Variants in MMRN1 observed in about 807,000 individuals in gnomAD.
MMRN1 encodes the protein multimerin-1.
A neutral mutation model predicts 100.7 loss-of-function variants in MMRN1; 94 were observed. That is an observed-to-expected ratio of 0.93 (90% CI 0.79 to 1.11). The LOEUF is 1.11. Ranked by LOEUF, MMRN1 falls within the 50% of genes least tolerant of loss-of-function variation. The probability of loss-of-function intolerance (pLI) is 0.00; values close to 1 mark genes in which losing one functional copy is unlikely to be tolerated. For missense variants in MMRN1, 1,606 were observed against 1,439.1 expected, an observed-to-expected ratio of 1.12 and a Z score of -1.88; for synonymous variants, 575 against 505.0, an observed-to-expected ratio of 1.14 and a Z score of -1.86.
chr4:89,914,716 A>C (rs747385088), intron 3 of MMRN1, among the ~76,000 whole-genome samples: 15 of 151,512 alleles, frequency 9.9e-5, no homozygotes, highest in Non-Finnish European at 1.8e-4. Context: ...TATGGTATTC[A>C]AGATACTTTT....
At chr4:89,883,993 A>C (rs1213851350) in intron 1 of MMRN1, among the ~76,000 whole-genome samples, 3 of 152,036 alleles carry the variant, frequency 2.0e-5, no homozygotes, top group African/African-American at 7.2e-5. Flanking sequence ...TTAATAAGAT[A>C]TTTTACCATT....
At chr4:89,894,820 T>A (rs1721136122), upstream of MMRN1, 2 of 1,352,988 alleles carry the variant, frequency 1.5e-6, no homozygotes, top group African/African-American at 1.5e-5. Context: ...ACTTCCTGAG[T>A]ACGCTACAAA....
intron 3 of MMRN1, among the ~76,000 whole-genome samples, chr4:89,921,786 T>C (rs1307389609): frequency 6.6e-6 from 1 of 152,154 alleles, no homozygotes; most frequent in Non-Finnish European, 1.5e-5. Context: ...AGAAAAACAA[T>C]GCAAAATTCA....
intron 6 of MMRN1, among the ~76,000 whole-genome samples, chr4:89,939,572 G>A (rs775511940): frequency 5.3e-5 from 8 of 152,010 alleles, no homozygotes; most frequent in Non-Finnish European, 8.8e-5. Flanking sequence ...ACTGACCCTC[G>A]GAGACATTAA....
At chr4:89,930,450 T>C (rs1448095106) in intron 5 of MMRN1, among the ~76,000 whole-genome samples, 2 of 152,116 alleles carry the variant, frequency 1.3e-5, no homozygotes, top group East Asian at 3.8e-4. Context: ...ATTAGGACTT[T>C]TAGGCATGTA....
intron 1 of MMRN1, among the ~76,000 whole-genome samples, chr4:89,881,459 T>C (rs1720813290): frequency 6.6e-6 from 1 of 152,096 alleles, no homozygotes; most frequent in Admixed American, 6.6e-5. Flanking sequence ...AAATGATTTC[T>C]TCTAACTGTA....
At chr4:89,894,657 A>C (rs893600004), upstream of MMRN1, 1 of 213,840 alleles carries the variant, frequency 4.7e-6, no homozygotes. Flanking sequence ...AGGAAAAGAA[A>C]GTTACTTCAT....
intron 3 of MMRN1, among the ~76,000 whole-genome samples, chr4:89,916,143 A>G (rs1368231436): frequency 6.7e-6 from 1 of 149,882 alleles, no homozygotes; most frequent in Non-Finnish European, 1.5e-5. Context: ...GGATGAATGC[A>G]AGTACTGAAC....
chr4:89,952,961 A>T, intron 7 of MMRN1, 36 bp from the exon 8 acceptor site: 1 of 1,521,228 alleles, frequency 6.6e-7, no homozygotes, highest in Non-Finnish European at 8.8e-7. Flanking sequence ...AGATAAAAAC[A>T]TGAAAATTAA....
At chr4:89,921,464 T>A (rs1444135161) in intron 3 of MMRN1, among the ~76,000 whole-genome samples, 2 of 152,156 alleles carry the variant, frequency 1.3e-5, no homozygotes. Flanking sequence ...AGTACACCAT[T>A]TAAGGAGGAA....
rs1722626274 is a variant in MMRN1, at chr4:89,936,152, T to C, written c.2472T>C (p.Tyr824=). The C allele has an allele frequency of 1.2e-6, 2 of 1,612,220 alleles. No individual in the cohort carries two copies. The highest frequency in any genetic ancestry group is 2.2e-5 in the South Asian group (2 of 90,890). Residue 824 remains tyrosine (Y), a synonymous_variant, in exon 6 of 8, where the codon TAT becomes TAC. Coordinates refer to ENST00000264790, the MANE Select transcript of MMRN1 (RefSeq NM_007351.3). ...KLNQSNFQKM[Y]QMFNETTSQV... ...ATCAGTCCAACTTCCAAAAGATGTATCAAATGTTCAATGAAACCACTTCCC... is the reference window on the plus strand; with the variant it reads ...ATCAGTCCAACTTCCAAAAGATGTACCAAATGTTCAATGAAACCACTTCCC...
chr4:89,942,627 T>A (rs1469106152), intron 6 of MMRN1, among the ~76,000 whole-genome samples: 1 of 152,160 alleles, frequency 6.6e-6, no homozygotes, highest in Admixed American at 6.6e-5. Flanking sequence ...TAAACCTAAT[T>A]TGAACTTTTT....
At chr4:89,918,689 C>CT (rs1333763829) in intron 3 of MMRN1, among the ~76,000 whole-genome samples, 1 of 151,778 alleles carries the variant, frequency 6.6e-6, no homozygotes, top group Non-Finnish European at 1.5e-5. Flanking sequence ...AATACAGTAG[C>CT]TTATAGTGCC....
At chr4:89,904,999 A>AT (rs1721519054) in intron 1 of MMRN1, among the ~76,000 whole-genome samples, 1 of 151,620 alleles carries the variant, frequency 6.6e-6, no homozygotes, top group African/African-American at 2.4e-5. Context: ...ACTAAGTGAT[A>AT]TTTTTTAAAA....
At chr4:89,900,326 T>G (rs999786372) in intron 1 of MMRN1, among the ~76,000 whole-genome samples, 2 of 152,084 alleles carry the variant, frequency 1.3e-5, no homozygotes, top group African/African-American at 4.8e-5. Flanking sequence ...TCCTTTCTGT[T>G]TATTGAACAT....
At position 89,927,966 on chromosome 4, in the gene MMRN1, A is replaced by G. The variant is rs1191666840; in HGVS notation, c.1127A>G (p.Lys376Arg). The G allele has an allele frequency of 6.4e-7, 1 of 1,567,434 alleles. No individual in the cohort carries two copies. Among genetic ancestry groups the G allele is most frequent in the East Asian group, 2.3e-5 (1 of 43,492 alleles). The change falls in exon 5 of 8, where the codon AAA becomes AGA. Residue 376 changes from lysine to arginine, a missense_variant and splice_region_variant. Physicochemically the swap from Lys to Arg is conservative, Grantham distance 26. Coordinates refer to ENST00000264790, the MANE Select transcript of MMRN1 (RefSeq NM_007351.3). ...DKSREFQSLL[K>R]GLKSKSINVL... Reference sequence around the variant, plus strand: ...AGCAGAGAATTTCAATCTCTTCTAAAAGGTAAAAATGAAATAAAATAAAAT... The same window carrying G: ...AGCAGAGAATTTCAATCTCTTCTAAGAGGTAAAAATGAAATAAAATAAAAT...
chr4:89,935,897 T>C lies in MMRN1; in HGVS notation c.2217T>C (p.Ile739=), dbSNP rs200831797. ...NKTMTIINNA[I]DFIQDNYALK... ...CAATGACTATTATAAATAATGCTAT[T>C]GATTTCATTCAAGATAACTATGCCC... is the stretch of plus-strand genomic sequence containing the variant. Residue 739 remains isoleucine, a synonymous_variant, in exon 6 of 8, where the codon ATT becomes ATC. Coordinates refer to ENST00000264790, the MANE Select transcript of MMRN1 (RefSeq NM_007351.3). 6.2e-7 allele frequency: 1 copy of C among 1,609,564 alleles called. No individual in the cohort carries two copies. The highest frequency in any genetic ancestry group is 1.7e-5 in the Admixed American group (1 of 59,436).
At chr4:89,892,427 A>G (rs978883498), upstream of MMRN1, among the ~76,000 whole-genome samples, 2 of 151,614 alleles carry the variant, frequency 1.3e-5, no homozygotes, top group Non-Finnish European at 3.0e-5. Context: ...AGTACTCTTC[A>G]GCCAGTCATC....
chr4:89,952,008 C>T (rs1723194824), intron 7 of MMRN1, among the ~76,000 whole-genome samples: 1 of 152,136 alleles, frequency 6.6e-6, no homozygotes, highest in Non-Finnish European at 1.5e-5. Context: ...GAAAATTCTA[C>T]CCCCTCACAA....
Sources: gnomAD v4.1 joint callset for allele counts (sites outside exome capture counted in the v4.1 genomes callset) on GRCh38, gnomAD v4.1.1 for gene constraint, MANE v1.5 for transcripts, NCBI Gene and HGNC (gene_info 2026-07-23, HGNC 2026-07-21) for gene names.